The following ADGB variants were observed in gnomAD, a reference collection of about 807,000 sequenced individuals.
The protein encoded by ADGB is androglobin.
Under a neutral mutation model 210.5 loss-of-function variants are expected in ADGB, and 172 were observed. The ratio of observed to expected loss-of-function variants is 0.82; its 90% CI spans 0.72 to 0.93. The LOEUF is 0.93. Ranked by LOEUF, ADGB falls within the 40% of genes least tolerant of loss-of-function variation. The pLI, the probability that ADGB is intolerant of heterozygous loss-of-function variation, is 0.00. For synonymous variants in ADGB, 658 were observed against 662.7 expected (o/e 0.99, Z 0.11); for missense variants, 2,025 against 1,964.8 (o/e 1.03, Z -0.58).
chr6:146,801,408 T>A, intron 34 of ADGB, 129 bp downstream of exon 34: 1 of 486,984 alleles, frequency 2.1e-6, no homozygotes, highest in South Asian at 6.4e-5. Context: ...CTACAAAAAA[T>A]TTCTATCACA....
chr6:146,666,908 T>C lies in ADGB; in HGVS notation c.839+6T>C. 6.5e-7 allele frequency: 1 copy of C among 1,533,002 alleles called. No individual in the cohort carries two copies. The highest frequency in any genetic ancestry group is 8.8e-7 in the Non-Finnish European group (1 of 1,131,896). 95.0% of individuals were successfully genotyped at this position (1,533,002 alleles called of 1,614,324 possible). On this transcript the variant is annotated splice_donor_region_variant and intron_variant, in intron 7 of 35. Transcript: ENST00000397944. ...CCAGAAGTCATTTCTCTTCAGTATG[T>C]TTGACTATTAAATTGCTCATATCTA...
chr6:146,740,735 A>G (rs901095390), intron 24 of ADGB, 142 bp downstream of exon 24: 2 of 751,020 alleles, frequency 2.7e-6, no homozygotes, highest in African/African-American at 3.7e-5. Flanking sequence ...TTGGCATTTT[A>G]AATGAGATAT....
At chr6:146,631,421 G>A (rs914648153) in intron 1 of ADGB, among the ~76,000 whole-genome samples, 1 of 152,128 alleles carries the variant, frequency 6.6e-6, no homozygotes, top group African/African-American at 2.4e-5. Flanking sequence ...GAATGTTTAT[G>A]AACCCGAAGC....
chr6:146,694,244 G>C (rs1252096239), intron 12 of ADGB, among the ~76,000 whole-genome samples: 1 of 152,112 alleles, frequency 6.6e-6, no homozygotes, highest in Non-Finnish European at 1.5e-5. Flanking sequence ...TAGACTTGTG[G>C]CTTGTAAATA....
At chr6:146,702,454 G>A (rs1776504141) in intron 13 of ADGB, among the ~76,000 whole-genome samples, 1 of 151,810 alleles carries the variant, frequency 6.6e-6, no homozygotes, top group South Asian at 2.1e-4. Flanking sequence ...TGAACAGTAG[G>A]ATGCTGAGCT....
intron 12 of ADGB, among the ~76,000 whole-genome samples, chr6:146,696,854 T>A (rs1373761618): frequency 6.6e-6 from 1 of 152,298 alleles, no homozygotes; most frequent in Non-Finnish European, 1.5e-5. Flanking sequence ...TACTCTAATT[T>A]TTTTTCTTGT....
chr6:146,770,648 G>A (rs1324564001), intron 29 of ADGB: 4 of 462,296 alleles, frequency 8.7e-6, no homozygotes, highest in Non-Finnish European at 1.8e-5. Context: ...CCTGCTGTGT[G>A]GGCAAGATTC....
At chr6:146,652,799 C>T (rs1180610604) in intron 3 of ADGB, among the ~76,000 whole-genome samples, 1 of 152,012 alleles carries the variant, frequency 6.6e-6, no homozygotes, top group Non-Finnish European at 1.5e-5. Flanking sequence ...GCTATCATGG[C>T]TAATATTAGT....
At chr6:146,790,573 T>G (rs1423646533) in intron 33 of ADGB, among the ~76,000 whole-genome samples, 2 of 152,214 alleles carry the variant, frequency 1.3e-5, no homozygotes, top group African/African-American at 4.8e-5. Flanking sequence ...ATACCACATT[T>G]TAAAAAATCC....
chr6:146,753,784 T>C (rs755025694), intron 27 of ADGB, among the ~76,000 whole-genome samples: 2 of 151,932 alleles, frequency 1.3e-5, no homozygotes, highest in Admixed American at 6.6e-5. Context: ...CATACTCCTA[T>C]GTTTAGAATA....
chr6:146,767,365 A>C (rs901648272), intron 28 of ADGB, among the ~76,000 whole-genome samples: 1 of 152,244 alleles, frequency 6.6e-6, no homozygotes, highest in African/African-American at 2.4e-5. Flanking sequence ...AGATTTTGGC[A>C]AGATTGCCAA....
At position 146,788,766 on chromosome 6, in the gene ADGB, A is replaced by G. The variant is rs546957109; in HGVS notation, c.4537+156A>G. ...TTCATTTTACTTAATGGAGTTGGGA[A>G]TTTGCTCAAGGACCTGACTACTAAA... On this transcript the variant is annotated intron_variant, in intron 33 of 35. Transcript: ENST00000397944. 2.6e-5 allele frequency among the ~76,000 whole-genome samples: 4 copies of G among 152,284 alleles called. No homozygotes were observed. The East Asian group carries it at 7.7e-4, about 29-fold the overall frequency.
intron 27 of ADGB, among the ~76,000 whole-genome samples, chr6:146,759,860 A>G (rs1395084087): frequency 6.6e-6 from 1 of 151,760 alleles, no homozygotes; most frequent in Non-Finnish European, 1.5e-5. Flanking sequence ...ATTTGTCTTT[A>G]GTGAGGTTTG....
chr6:146,780,708 C>T (rs1348000941), intron 29 of ADGB, among the ~76,000 whole-genome samples: 2 of 152,068 alleles, frequency 1.3e-5, no homozygotes, highest in African/African-American at 2.4e-5. Context: ...CAAAAACTGA[C>T]AGAATTGAAA....
At position 146,691,184 on chromosome 6, in the gene ADGB, T is replaced by C. The variant is rs1324379111; in HGVS notation, c.1380T>C (p.Thr460=). 6.5e-7 allele frequency: 1 copy of C among 1,549,836 alleles called. No homozygotes were observed. Among genetic ancestry groups the C allele is most frequent in the Non-Finnish European group, 8.7e-7 (1 of 1,146,350 alleles). The change falls in exon 11 of 36, where the codon ACT becomes ACC. Residue 460 remains threonine (T), a synonymous_variant. Coordinates refer to ENST00000397944, the MANE Select transcript of ADGB (RefSeq NM_024694.4). The stretch of plus-strand genomic sequence containing the variant: ...TCTGTAGCCATCCTGTGCTGGTGAC[T>C]AGAAGTAGGTCTTGTCCTCTGGTAG... The part of the protein sequence containing the change: ...SHICSHPVLV[T]RSRSCPLVAP...
intron 13 of ADGB, among the ~76,000 whole-genome samples, chr6:146,713,250 C>A (rs2114560482): frequency 1.3e-5 from 2 of 152,294 alleles, no homozygotes; most frequent in Middle Eastern, 6.8e-3. Flanking sequence ...TGAGACTCTG[C>A]TTTCAATGCT....
At chr6:146,778,282 G>C (rs1777749605) in intron 29 of ADGB, among the ~76,000 whole-genome samples, 1 of 152,112 alleles carries the variant, frequency 6.6e-6, no homozygotes, top group African/African-American at 2.4e-5. Context: ...GGCTGGTACT[G>C]CAACACCTGG....
chr6:146,812,285 C>T lies in ADGB; in HGVS notation c.4819-2747C>T, dbSNP rs1283404885. Reference sequence around the variant, plus strand: ...CTCTCCCAGCTTTATGGATGGAGGACGACCCACAATGAGAGACTGAGGCAA... The same window carrying T: ...CTCTCCCAGCTTTATGGATGGAGGATGACCCACAATGAGAGACTGAGGCAA... On this transcript the variant is annotated intron_variant, in intron 35 of 35. Transcript: ENST00000397944. 5.7e-3 allele frequency among the ~76,000 whole-genome samples: 869 copies of T among 152,230 alleles called. 4 individuals are homozygous for T. Among genetic ancestry groups the T allele is most frequent in the Non-Finnish European group, 0.01 (699 of 68,016 alleles).
At chr6:146,654,320 T>TTA (rs34737176) in intron 4 of ADGB, 114 bp downstream of exon 4, 166 of 349,966 alleles carry the variant, frequency 4.7e-4, no homozygotes, top group Non-Finnish European at 6.4e-4. Context: ...AGTTTTGGTA[T>TTA]TATATATATA....
Sources: gnomAD v4.1 joint callset for allele counts (sites outside exome capture counted in the v4.1 genomes callset) on GRCh38, gnomAD v4.1.1 for gene constraint, MANE v1.5 for transcripts, NCBI Gene and HGNC (gene_info 2026-07-23, HGNC 2026-07-21) for gene names.